The following PPP1R21 variants were observed in gnomAD, a reference collection of about 807,000 sequenced individuals.
PPP1R21 encodes protein phosphatase 1 regulatory subunit 21.
PPP1R21 carries 85 observed loss-of-function variants against 112.8 expected under a neutral mutation model. The ratio of observed to expected loss-of-function variants is 0.75; its 90% confidence interval spans 0.63 to 0.90. The LOEUF is 0.90. Among genes scored for constraint, PPP1R21 ranks in the 40% least tolerant of loss-of-function variants. PPP1R21 has a pLI of 0.00. For synonymous variants in PPP1R21, 381 were observed against 322.3 expected, an observed-to-expected ratio of 1.18 and a Z score of -1.95; for missense variants, 1,199 against 901.5, an observed-to-expected ratio of 1.33 and a Z score of -4.23.
intron 9 of PPP1R21, among the ~76,000 whole-genome samples, chr2:48,468,950 AAG>A (rs1668331707): frequency 6.6e-6 from 1 of 151,778 alleles, no homozygotes; most frequent in Non-Finnish European, 1.5e-5. Context: ...TGGGAAGAAA[AAG>A]AGATTTAATT....
chr2:48,458,364 ACT>A (rs1349708045), intron 4 of PPP1R21, 137 bp downstream of exon 4: 2 of 540,876 alleles, frequency 3.7e-6, no homozygotes, highest in African/African-American at 3.8e-5. Flanking sequence ...TATATATGTC[ACT>A]GTCACTTATT....
At chr2:48,477,667 CTTT>C (rs545161997) in intron 12 of PPP1R21, among the ~76,000 whole-genome samples, 2 of 139,760 alleles carry the variant, frequency 1.4e-5, no homozygotes. Context: ...AGCCCTCCTA[CTTT>C]TTTTTTTTTT....
intron 3 of PPP1R21, 150 bp downstream of exon 3, chr2:48,454,891 G>A: frequency 1.6e-6 from 1 of 645,054 alleles, no homozygotes; most frequent in East Asian, 2.8e-5. Flanking sequence ...CCATGCTGGA[G>A]TGCTGTGGTG....
In PPP1R21 at chr2:48,511,331, G is replaced by A. The variant is rs1163627204; in HGVS notation, c.2185-9G>A. The A allele has an allele frequency of 3.7e-6, 6 of 1,603,996 alleles. No homozygotes were observed. The highest frequency in any genetic ancestry group is 5.1e-6 in the Non-Finnish European group (6 of 1,177,382). ...GATGTTGATTTTTGTCTTTTTCTTTGCTATTTAGGATGAGCTGACAACTAC... is the reference window on the plus strand; with the variant it reads ...GATGTTGATTTTTGTCTTTTTCTTTACTATTTAGGATGAGCTGACAACTAC... On this transcript the variant is annotated splice_polypyrimidine_tract_variant and intron_variant, in intron 20 of 21. Transcript: ENST00000294952.
chr2:48,477,067 A>G (rs1572862064), intron 12 of PPP1R21, among the ~76,000 whole-genome samples: 1 of 143,226 alleles, frequency 7.0e-6, no homozygotes, highest in Non-Finnish European at 1.5e-5. Context: ...TAAGCGTTTT[A>G]TAGTTTTAAC....
At chr2:48,460,732 A>T (rs147947795) in intron 6 of PPP1R21, among the ~76,000 whole-genome samples, 162 of 140,912 alleles carry the variant, frequency 1.1e-3, no homozygotes, top group African/African-American at 4.2e-3. Context: ...AAAGAGTTCA[A>T]GGGGAAAAGA....
At chr2:48,460,012 C>T in intron 5 of PPP1R21, 83 bp from the exon 6 acceptor site, 2 of 1,593,324 alleles carry the variant, frequency 1.3e-6, no homozygotes, top group Non-Finnish European at 1.7e-6. Flanking sequence ...TCTGGTGAGA[C>T]TTTTGCCTGC....
intron 21 of PPP1R21, among the ~76,000 whole-genome samples, chr2:48,512,265 A>C (rs776255099): frequency 3.3e-5 from 5 of 152,214 alleles, no homozygotes; most frequent in African/African-American, 4.8e-5. Context: ...GTTTAGGCTG[A>C]AATGCATATC....
Position 48,510,102 on chromosome 2 carries a change from A to G in PPP1R21, c.2173A>G (p.Ser725Gly), listed in dbSNP as rs780644549. 4 of 1,613,478 alleles carry G rather than the reference A, an allele frequency of 2.5e-6. No homozygotes were observed. Among genetic ancestry groups the G allele is most frequent in the Middle Eastern group, 1.7e-4 (1 of 6,060 alleles). Residue 725 changes from serine (S) to glycine (G), a missense_variant, in exon 20 of 22, where the codon AGC (serine) becomes GGC (glycine). Coordinates refer to ENST00000294952, the MANE Select transcript of PPP1R21 (RefSeq NM_001135629.3). ...EEMKLASQNI[S>G]RLQDELTTTK... is the part of the protein sequence containing the mutation. ...AATGAAACTTGCCAGTCAGAACATC[A>G]GCAGACTTCAGGTGAGTTAAGTGTT...
At chr2:48,472,098 G>C (rs2103853593) in intron 11 of PPP1R21, among the ~76,000 whole-genome samples, 2 of 151,822 alleles carry the variant, frequency 1.3e-5, no homozygotes, top group South Asian at 4.2e-4. Context: ...AAATTAGCCG[G>C]GCGTTGTGGT....
intron 17 of PPP1R21, among the ~76,000 whole-genome samples, chr2:48,504,622 C>G (rs905640697): frequency 2.4e-4 from 36 of 151,970 alleles, no homozygotes; most frequent in African/African-American, 8.2e-4. Context: ...GCCTGGGCAA[C>G]AGGGTGAGAC....
At chr2:48,447,875 G>A (rs910266454) in intron 1 of PPP1R21, among the ~76,000 whole-genome samples, 2 of 152,016 alleles carry the variant, frequency 1.3e-5, no homozygotes, top group Non-Finnish European at 2.9e-5. Context: ...GCTTGAACCC[G>A]AGAGGTGGAG....
At chr2:48,493,885 TTGACTTA>T (rs1229541709) in intron 15 of PPP1R21, among the ~76,000 whole-genome samples, 1 of 151,984 alleles carries the variant, frequency 6.6e-6, no homozygotes, top group African/African-American at 2.4e-5. Flanking sequence ...CTGATGCTCC[TTGACTTA>T]TGATGGGATT....
chr2:48,447,184 A>G (rs936010329), intron 1 of PPP1R21, among the ~76,000 whole-genome samples: 3 of 152,238 alleles, frequency 2.0e-5, no homozygotes. Context: ...CAGGCTCTCT[A>G]TGGGCCGTAG....
At chr2:48,470,219 G>C (rs1371941189) in intron 9 of PPP1R21, among the ~76,000 whole-genome samples, 1 of 152,054 alleles carries the variant, frequency 6.6e-6, no homozygotes, top group Non-Finnish European at 1.5e-5. Context: ...ATCAGTGACA[G>C]TTATAAAAAG....
In PPP1R21 at chr2:48,452,954, C is replaced by CTT. The variant is rs1319946542; in HGVS notation, c.127-1625_127-1624dup. On this transcript the variant is annotated intron_variant, in intron 2 of 21. Transcript: ENST00000294952. ...GCCTATGGCTTTTAAGTTGCTGTTCCTTTTTTTTTTTTTTTTTGAGACAGA... is the reference window on the plus strand; with the variant it reads ...GCCTATGGCTTTTAAGTTGCTGTTCCTTTTTTTTTTTTTTTTTTTGAGACAGA... Among the ~76,000 whole-genome samples the CTT allele has an allele frequency of 3.5e-3, 487 of 138,442 alleles. 1 individual carries two copies. Among genetic ancestry groups the CTT allele is most frequent in the African/African-American group, 0.012 (466 of 37,904 alleles). The allele number at this position is 138,442 out of a possible 152,430, so 90.8% of individuals were successfully genotyped here. A position where few individuals can be genotyped will look rare whatever the true frequency, so the allele number is the denominator to read the frequency against.
intron 2 of PPP1R21, 127 bp from the exon 3 acceptor site, chr2:48,454,468 A>G (rs1667623138): frequency 8.7e-7 from 1 of 1,154,654 alleles, no homozygotes; most frequent in Non-Finnish European, 1.2e-6. Context: ...AGTGATACAC[A>G]TACAACCTGA....
chr2:48,459,024 G>A (rs941752075), intron 4 of PPP1R21, among the ~76,000 whole-genome samples: 4 of 150,584 alleles, frequency 2.7e-5, no homozygotes, highest in East Asian at 2.0e-4. Flanking sequence ...CCCGGGAGGC[G>A]GAGCTTGCAG....
intron 1 of PPP1R21, among the ~76,000 whole-genome samples, chr2:48,445,252 A>G (rs1412508684): frequency 6.6e-6 from 1 of 151,814 alleles, no homozygotes; most frequent in Non-Finnish European, 1.5e-5. Flanking sequence ...GAGAATGAAA[A>G]TGTTCTGTAT....
Sources: allele counts gnomAD v4.1 joint callset (sites outside exome capture counted in the v4.1 genomes callset), GRCh38; gene constraint gnomAD v4.1.1; transcripts MANE v1.5; gene names NCBI Gene and HGNC (gene_info 2026-07-23, HGNC 2026-07-21).